PDZRN3: variants seen among roughly 807,000 people sequenced by gnomAD.
The protein encoded by PDZRN3 is E3 ubiquitin-protein ligase PDZRN3.
Under a neutral mutation model 85.7 loss-of-function variants are expected in PDZRN3, and 38 were observed. The observed-to-expected ratio is 0.44, with a 90% CI of 0.34 to 0.58. PDZRN3 has a LOEUF of 0.58. Among genes scored for constraint, PDZRN3 ranks in the 20% least tolerant of loss-of-function variants. The pLI is 0.01. For missense variants in PDZRN3, 1,629 were observed against 1,506.4 expected (o/e 1.08, Z -1.35); for synonymous variants, 759 against 638.0 (o/e 1.19, Z -2.86).
intron 3 of PDZRN3, among the ~76,000 whole-genome samples, chr3:73,413,818 C>T (rs74536351): frequency 0.028 from 4,334 of 152,158 alleles, 228 homozygotes; most frequent in African/African-American, 0.098. Flanking sequence ...CAAAGGAGAA[C>T]GTTCATGGTG....
At chr3:73,502,001 C>T (rs1176826512) in intron 3 of PDZRN3, among the ~76,000 whole-genome samples, 2 of 151,454 alleles carry the variant, frequency 1.3e-5, no homozygotes, top group African/African-American at 4.9e-5. Context: ...GGTGACAGAA[C>T]CAGATTCAGT....
chr3:73,435,629 C>T (rs900907455), intron 3 of PDZRN3, among the ~76,000 whole-genome samples: 2 of 152,116 alleles, frequency 1.3e-5, no homozygotes, highest in African/African-American at 2.4e-5. Flanking sequence ...CTGGTCTGTT[C>T]GACCCCAAAT....
intron 3 of PDZRN3, among the ~76,000 whole-genome samples, chr3:73,455,972 A>G (rs1056373169): frequency 5.3e-5 from 8 of 152,352 alleles, no homozygotes; most frequent in Non-Finnish European, 8.8e-5. Flanking sequence ...CAGCAGAGGG[A>G]GCACAAACCC....
At chr3:73,441,411 C>CAAAAAAAAAAAAAA (rs10656791) in intron 3 of PDZRN3, among the ~76,000 whole-genome samples, 1 of 68,192 alleles carries the variant, frequency 1.5e-5, no homozygotes, top group Non-Finnish European at 2.5e-5. Flanking sequence ...GACTCTGTCC[C>CAAAAAAAAAAAAAA]AAAAAAAAAA....
At chr3:73,385,832 GTTCAT>G (rs1407670411) in intron 8 of PDZRN3, 47 bp from the exon 9 acceptor site, 36 of 1,068,730 alleles carry the variant, frequency 3.4e-5, no homozygotes, top group Non-Finnish European at 4.8e-5. Context: ...TTCCTTTCAT[GTTCAT>G]TTATGTTTTT....
At position 73,383,423 on chromosome 3, in the gene PDZRN3, G is replaced by T. The variant is rs1453214369; in HGVS notation, c.3143C>A (p.Thr1048Lys). The change falls in exon 10 of 10, where the codon ACA (threonine) becomes AAA (lysine). Residue 1048 changes from threonine (T) to lysine (K), a missense_variant. Coordinates refer to ENST00000263666, the MANE Select transcript of PDZRN3 (RefSeq NM_015009.3). Reference sequence around the variant, plus strand: ...TACTCTAGTGCCGTCCGGGGATTTTGTGCCGTGGGTTAAGAGTTCTTGGAT... The same window carrying T: ...TACTCTAGTGCCGTCCGGGGATTTTTTGCCGTGGGTTAAGAGTTCTTGGAT... ...MTIQELLTHG[T>K]KSPDGTRVYN... 3 of 1,614,082 alleles carry T rather than the reference G, an allele frequency of 1.9e-6. No homozygotes were observed. The highest frequency in any genetic ancestry group is 2.5e-6 in the Non-Finnish European group (3 of 1,179,942).
intron 3 of PDZRN3, among the ~76,000 whole-genome samples, chr3:73,456,947 A>G (rs1156293339): frequency 6.6e-6 from 1 of 152,152 alleles, no homozygotes; most frequent in African/African-American, 2.4e-5. Flanking sequence ...GGGAAAAAAA[A>G]AACACCTGGT....
intron 3 of PDZRN3, among the ~76,000 whole-genome samples, chr3:73,428,800 G>A (rs1019411179): frequency 3.3e-5 from 5 of 152,030 alleles, no homozygotes; most frequent in African/African-American, 1.2e-4. Flanking sequence ...GACAAATAAC[G>A]GCCATGTATT....
chr3:73,421,926 C>G (rs774805476), intron 3 of PDZRN3, among the ~76,000 whole-genome samples: 1 of 152,184 alleles, frequency 6.6e-6, no homozygotes, highest in Admixed American at 6.5e-5. Context: ...GGATTACAGG[C>G]GTGAGCCACC....
intron 1 of PDZRN3, among the ~76,000 whole-genome samples, chr3:73,618,783 G>C (rs1702805772): frequency 6.6e-6 from 1 of 152,300 alleles, no homozygotes; most frequent in African/African-American, 2.4e-5. Context: ...CAGTGTAGCT[G>C]GGTAACATAT....
chr3:73,597,188 C>A (rs1398447461), intron 3 of PDZRN3, among the ~76,000 whole-genome samples: 2 of 152,150 alleles, frequency 1.3e-5, no homozygotes, highest in Non-Finnish European at 2.9e-5. Context: ...TATCTTCTCA[C>A]CTAATAATCA....
intron 3 of PDZRN3, among the ~76,000 whole-genome samples, chr3:73,493,954 C>T (rs566811172): frequency 6.6e-5 from 10 of 152,320 alleles, no homozygotes; most frequent in African/African-American, 2.2e-4. Context: ...GTGTTTAGCA[C>T]AGCTAAGTAA....
intron 3 of PDZRN3, among the ~76,000 whole-genome samples, chr3:73,515,388 G>A (rs1704239669): frequency 6.6e-6 from 1 of 152,078 alleles, no homozygotes; most frequent in Non-Finnish European, 1.5e-5. Context: ...ATGTTAGCCA[G>A]GATGGTCTCG....
intron 5 of PDZRN3, among the ~76,000 whole-genome samples, chr3:73,397,179 G>A (rs950952595): frequency 6.6e-6 from 1 of 151,986 alleles, no homozygotes; most frequent in Non-Finnish European, 1.5e-5. Flanking sequence ...GATTACAGGT[G>A]TGAGCCACTG....
intron 3 of PDZRN3, among the ~76,000 whole-genome samples, chr3:73,521,407 T>C (rs1319722425): frequency 6.6e-6 from 1 of 152,072 alleles, no homozygotes; most frequent in Non-Finnish European, 1.5e-5. Flanking sequence ...TGGCGCCAGA[T>C]TAAAAAGATG....
intron 1 of PDZRN3, among the ~76,000 whole-genome samples, chr3:73,616,367 T>C (rs930878891): frequency 6.6e-6 from 1 of 152,200 alleles, no homozygotes; most frequent in Non-Finnish European, 1.5e-5. Flanking sequence ...GTGCACTTGC[T>C]TACATGAAGG....
intron 3 of PDZRN3, among the ~76,000 whole-genome samples, chr3:73,579,398 G>C (rs748300573): frequency 1.3e-5 from 2 of 152,126 alleles, no homozygotes; most frequent in Non-Finnish European, 2.9e-5. Flanking sequence ...GGGGTCTAAA[G>C]CCAATAAACA....
chr3:73,582,376 G>C (rs1219763556), intron 3 of PDZRN3, among the ~76,000 whole-genome samples: 1 of 151,910 alleles, frequency 6.6e-6, no homozygotes, highest in African/African-American at 2.4e-5. Context: ...ATACATTATA[G>C]TACAAAAATC....
chr3:73,592,287 A>G (rs1163912803), intron 3 of PDZRN3, among the ~76,000 whole-genome samples: 1 of 152,126 alleles, frequency 6.6e-6, no homozygotes, highest in East Asian at 1.9e-4. Flanking sequence ...ATTTTGCTCC[A>G]CCCCAGAGTG....
Sources: gnomAD v4.1 joint callset for allele counts (sites outside exome capture counted in the v4.1 genomes callset) on GRCh38, gnomAD v4.1.1 for gene constraint, MANE v1.5 for transcripts, NCBI Gene and HGNC (gene_info 2026-07-23, HGNC 2026-07-21) for gene names.